The following ABCG8 variants were observed in gnomAD, a reference collection of about 807,000 sequenced individuals.
ABCG8 encodes the protein ATP-binding cassette sub-family G member 8.
In ABCG8, 81 loss-of-function variants were observed where a neutral mutation model predicts 71.3. The observed-to-expected ratio is 1.14, with a 90% CI of 0.95 to 1.37. The LOEUF (loss-of-function observed/expected upper bound fraction) is 1.37. ABCG8 is among the 40% of genes most tolerant of loss of function. ABCG8 has a pLI of 0.00. For missense variants in ABCG8, 1,119 were observed against 866.2 expected (o/e 1.29, Z -3.66); for synonymous variants, 451 against 354.7 (o/e 1.27, Z -3.05).
rs994525475 is a variant in ABCG8 at position 43,880,341 on chromosome 2, T to C, written c.*2428T>C. ...AGTGCCCACCACCACACCTGGCTAA[T>C]TTTTGTATTTTTAGTAAAGACAGTG... On this transcript the variant is annotated 3_prime_UTR_variant, in exon 13 of 13. Coordinates refer to ENST00000272286, the MANE Select transcript of ABCG8 (RefSeq NM_022437.3). 6.6e-6 allele frequency: 1 copy of C among 151,978 alleles called. No individual in the cohort carries two copies. Among genetic ancestry groups the C allele is most frequent in the African/African-American group, 2.4e-5 (1 of 41,358 alleles). The allele number at this position is 151,978 out of a possible 1,614,324, so 9.4% of individuals were successfully genotyped here. A position where few individuals can be genotyped will look rare whatever the true frequency, so the allele number is the denominator to read the frequency against.
chr2:43,847,331 C>T (rs1668775161), intron 3 of ABCG8: 1 of 152,116 alleles, frequency 6.6e-6, no homozygotes, highest in South Asian at 2.1e-4. Flanking sequence ...TGTATAAATG[C>T]ACTTTGTAAC....
At position 43,877,862 on chromosome 2, in the gene ABCG8, G is replaced by C; in HGVS notation, c.1971G>C (p.Leu657=). The part of the protein sequence containing the change: ...VIGLSGGFMV[L]YYVSLRFIKQ... ...GCCTCAGCGGTGGCTTCATGGTCCT[G>C]TACTACGTGTCCTTAAGGTTCATCA... is the stretch of plus-strand genomic sequence containing the variant. Residue 657 remains leucine (L), a synonymous_variant, in exon 13 of 13, where the codon CTG becomes CTC. Coordinates refer to ENST00000272286, the MANE Select transcript of ABCG8 (RefSeq NM_022437.3). 1 of 1,614,070 alleles carries C rather than the reference G, an allele frequency of 6.2e-7. No individual in the cohort carries two copies. Among genetic ancestry groups the C allele is most frequent in the African/African-American group, 1.3e-5 (1 of 75,002 alleles).
rs1668926063 is a variant in ABCG8 at position 43,851,804 on chromosome 2, G to C, written c.543G>C (p.Gln181His). 6.2e-7 allele frequency: 1 copy of C among 1,614,210 alleles called. No homozygotes were observed. Residue 181 changes from glutamine (Q) to histidine (H), a missense_variant, in exon 4 of 13, where the codon CAG (glutamine) becomes CAC (histidine). Physicochemically the swap from Gln to His is conservative, Grantham distance 24. Coordinates refer to ENST00000272286, the MANE Select transcript of ABCG8 (RefSeq NM_022437.3). ...AQMRLPRTFSQAQRDKRVEDV... is the reference protein window; with the variant it reads ...AQMRLPRTFSHAQRDKRVEDV... ...TGCGGCTGCCCAGAACCTTCTCCCA[G>C]GCCCAGCGTGACAAAAGGGTAACTA...
chr2:43,873,218 T>C (rs6714800), intron 8 of ABCG8, among the ~76,000 whole-genome samples: 66,521 of 150,192 alleles, frequency 0.44, 15,413 homozygotes, highest in East Asian at 0.86. Context: ...ACACAGAGTC[T>C]CTCTCTGTCA....
At chr2:43,851,854 G>A (rs895586633) in intron 4 of ABCG8, 32 bp downstream of exon 4, 10 of 1,609,846 alleles carry the variant, frequency 6.2e-6, no homozygotes, top group Non-Finnish European at 5.1e-6. Flanking sequence ...TGACCCCCAG[G>A]TCCAAGAAGC....
intron 11 of ABCG8, among the ~76,000 whole-genome samples, chr2:43,876,157 G>A (rs1205178341): frequency 6.6e-6 from 1 of 152,074 alleles, no homozygotes; most frequent in South Asian, 2.1e-4. Context: ...AGCTGAGCAC[G>A]TGCAGGGATG....
chr2:43,868,476 C>G (rs1370010093), intron 6 of ABCG8, among the ~76,000 whole-genome samples: 2 of 151,914 alleles, frequency 1.3e-5, no homozygotes, highest in Non-Finnish European at 2.9e-5. Context: ...AATTCTGTCT[C>G]TGGATAGAAG....
intron 3 of ABCG8, among the ~76,000 whole-genome samples, 189 bp from the exon 4 acceptor site, chr2:43,851,395 G>C (rs781508516): frequency 1.3e-5 from 2 of 152,246 alleles, no homozygotes; most frequent in Admixed American, 6.5e-5. Context: ...GCTGCAGACA[G>C]AAGGCTTGGA....
intron 3 of ABCG8, chr2:43,848,735 G>A (rs1394899109): frequency 6.6e-6 from 1 of 152,188 alleles, no homozygotes; most frequent in South Asian, 2.1e-4. Context: ...AAACAGCCAG[G>A]CTGGGCACGG....
At position 43,861,072 on chromosome 2, in the gene ABCG8, A is replaced by G. The variant is rs549198857; in HGVS notation, c.964+8204A>G. 6.1e-4 allele frequency among the ~76,000 whole-genome samples: 92 copies of G among 151,024 alleles called. 2 individuals carry two copies. The highest frequency in any genetic ancestry group is 8.0e-4 in the Non-Finnish European group (54 of 67,246). On this transcript the variant is annotated intron_variant, in intron 6 of 12. Coordinates refer to ENST00000272286, the MANE Select transcript of ABCG8 (RefSeq NM_022437.3). ...TCACTCTCTGGATAGAACCCTCACT[A>G]TCTATATGGAAATAACTCTCACCAT...
chr2:43,846,514 T>C, intron 3 of ABCG8: 1 of 717,330 alleles, frequency 1.4e-6, no homozygotes, highest in Non-Finnish European at 2.3e-6. Context: ...TAGGTGCTGT[T>C]GTTAAGAGTC....
At chr2:43,846,510 CTGT>C (rs1453888437) in intron 3 of ABCG8, 199 bp downstream of exon 3, 4 of 750,558 alleles carry the variant, frequency 5.3e-6, no homozygotes, top group African/African-American at 1.7e-5. Flanking sequence ...AGGGTAGGTG[CTGT>C]TGTTAAGAGT....
chr2:43,840,288 G>C (rs1192399033), intron 1 of ABCG8, among the ~76,000 whole-genome samples: 1 of 152,232 alleles, frequency 6.6e-6, no homozygotes, highest in East Asian at 1.9e-4. Flanking sequence ...CATCTGACCA[G>C]CTCTGCTCTC....
chr2:43,855,997 G>A (rs1307643918), intron 6 of ABCG8, among the ~76,000 whole-genome samples: 1 of 151,748 alleles, frequency 6.6e-6, no homozygotes, highest in African/African-American at 2.4e-5. Context: ...TTACCATCTG[G>A]ATAGAACTCT....
intron 6 of ABCG8, among the ~76,000 whole-genome samples, chr2:43,862,657 A>C (rs1473288793): frequency 1.4e-5 from 2 of 139,600 alleles, no homozygotes; most frequent in Non-Finnish European, 3.2e-5. Context: ...TCACTATCTA[A>C]CTGGATAGAA....
Position 43,873,940 on chromosome 2 carries a change from C to G in ABCG8, c.1365C>G (p.Ile455Met). The change falls in exon 9 of 13, where the codon ATC becomes ATG. Residue 455 changes from isoleucine (I) to methionine (M), a missense_variant. Physicochemically the swap from Ile to Met is conservative, Grantham distance 10. Transcript: ENST00000272286. Reference sequence around the variant, plus strand: ...ATACAGCCGCCCTCTTGTTCATGATCGGTGCTCTCATCCCTTTCAACGTCA... The same window carrying G: ...ATACAGCCGCCCTCTTGTTCATGATGGGTGCTCTCATCCCTTTCAACGTCA... ...FMDTAALLFMIGALIPFNVIL... is the reference protein window; with the variant it reads ...FMDTAALLFMMGALIPFNVIL... 1.2e-6 allele frequency: 2 copies of G among 1,614,082 alleles called. No homozygotes were observed. The highest frequency in any genetic ancestry group is 1.7e-6 in the Non-Finnish European group (2 of 1,180,030).
rs565371489 is a variant in ABCG8, at chr2:43,839,282, C to G, written c.63+166C>G. Among the ~76,000 whole-genome samples the G allele has an allele frequency of 3.0e-4, 45 of 152,114 alleles. 1 individual carries two copies. The highest frequency in any genetic ancestry group is 1.1e-3 in the African/African-American group (44 of 41,526). On this transcript the variant is annotated intron_variant, in intron 1 of 12. Coordinates refer to ENST00000272286, the MANE Select transcript of ABCG8 (RefSeq NM_022437.3). ...CTGCATGTCAAAGGGCGGAGGGGAA[C>G]AGATTCAGGGTCCCAGAGGCCTCTG...
intron 1 of ABCG8, 71 bp downstream of exon 1, chr2:43,839,187 C>T: frequency 2.0e-6 from 3 of 1,490,856 alleles, no homozygotes; most frequent in East Asian, 2.5e-5. Flanking sequence ...TCTCTCTTCC[C>T]TCAGGAGCCT....
chr2:43,854,626 C>CAAAAAAA (rs759609173), intron 6 of ABCG8, among the ~76,000 whole-genome samples: 72 of 74,702 alleles, frequency 9.6e-4, no homozygotes, highest in South Asian at 1.1e-3. Context: ...GACTCCATCT[C>CAAAAAAA]AAAAAAAAAA....
Sources: allele counts gnomAD v4.1 joint callset (sites outside exome capture counted in the v4.1 genomes callset), GRCh38; gene constraint gnomAD v4.1.1; transcripts MANE v1.5; gene names NCBI Gene and HGNC (gene_info 2026-07-23, HGNC 2026-07-21).